The following ARHGEF3 variants were observed in gnomAD, a reference collection of about 807,000 sequenced individuals.
ARHGEF3 encodes Rho guanine nucleotide exchange factor 3, also known as 59.8 kDA protein.
In ARHGEF3, 28 loss-of-function variants were observed where a neutral mutation model predicts 63.2. The observed-to-expected ratio is 0.44, with a 90% CI of 0.33 to 0.61. The LOEUF is 0.61. Ranked by LOEUF, ARHGEF3 falls within the 20% of genes least tolerant of loss-of-function variation. The pLI is 0.03. For missense variants in ARHGEF3, 533 were observed against 659.3 expected, an observed-to-expected ratio of 0.81 and a Z score of 2.10; for synonymous variants, 266 against 254.2, an observed-to-expected ratio of 1.05 and a Z score of -0.44.
intron 3 of ARHGEF3, among the ~76,000 whole-genome samples, chr3:56,957,530 C>T (rs765478060): frequency 2.6e-5 from 4 of 152,148 alleles, no homozygotes; most frequent in Non-Finnish European, 2.9e-5. Flanking sequence ...CCCAGAGATA[C>T]AGTAGTGAAC....
At chr3:56,989,819 G>C (rs567666235) in intron 2 of ARHGEF3, among the ~76,000 whole-genome samples, 25 of 152,200 alleles carry the variant, frequency 1.6e-4, no homozygotes, top group Non-Finnish European at 3.1e-4. Flanking sequence ...ACCTGGCTGA[G>C]CTTCAAACCC....
At chr3:56,856,443 T>G (rs533637153) in intron 4 of ARHGEF3, among the ~76,000 whole-genome samples, 19 of 152,304 alleles carry the variant, frequency 1.2e-4, no homozygotes, top group African/African-American at 4.3e-4. Context: ...TTATTGCTTA[T>G]AAACTGACAC....
intron 3 of ARHGEF3, among the ~76,000 whole-genome samples, chr3:56,926,510 C>A (rs920979139): frequency 6.6e-6 from 1 of 152,226 alleles, no homozygotes; most frequent in East Asian, 1.9e-4. Context: ...AATATATTTG[C>A]TGAAAGCCAG....
intron 4 of ARHGEF3, among the ~76,000 whole-genome samples, chr3:56,816,925 T>C (rs1559964878): frequency 6.6e-6 from 1 of 152,158 alleles, no homozygotes; most frequent in Non-Finnish European, 1.5e-5. Context: ...GAACACTGAA[T>C]GAGAAGCAGT....
At chr3:56,866,211 T>C (rs2040244102) in intron 4 of ARHGEF3, among the ~76,000 whole-genome samples, 1 of 152,138 alleles carries the variant, frequency 6.6e-6, no homozygotes, top group Admixed American at 6.5e-5. Context: ...TTTATTAGCA[T>C]GATTAAGCTG....
At chr3:56,742,115 T>G (rs930137264) in intron 7 of ARHGEF3, among the ~76,000 whole-genome samples, 1 of 152,124 alleles carries the variant, frequency 6.6e-6, no homozygotes, top group Non-Finnish European at 1.5e-5. Context: ...GAACCAAGAA[T>G]AGCAGTCTTC....
At chr3:57,025,298 T>C (rs77863260) in intron 2 of ARHGEF3, among the ~76,000 whole-genome samples, 2,676 of 152,296 alleles carry the variant, frequency 0.018, 71 homozygotes, top group African/African-American at 0.062. Context: ...TCATAAAACT[T>C]CAGAGCTGTG....
intron 7 of ARHGEF3, among the ~76,000 whole-genome samples, chr3:56,742,019 G>A (rs905408087): frequency 3.3e-5 from 5 of 152,194 alleles, no homozygotes; most frequent in African/African-American, 1.2e-4. Flanking sequence ...AAGCTCACAT[G>A]TGCTGGACTC....
At chr3:56,734,278 T>C (rs1165316996) in intron 8 of ARHGEF3, among the ~76,000 whole-genome samples, 2 of 152,176 alleles carry the variant, frequency 1.3e-5, no homozygotes, top group African/African-American at 4.8e-5. Context: ...GTTCTAGCTT[T>C]CTGGTGGAAA....
intron 7 of ARHGEF3, among the ~76,000 whole-genome samples, chr3:56,739,250 T>C (rs971448690): frequency 1.3e-5 from 2 of 152,176 alleles, no homozygotes; most frequent in Non-Finnish European, 2.9e-5. Context: ...TGATAAGGCC[T>C]CTTCTTCGTC....
In ARHGEF3 at chr3:56,990,028, A is replaced by T. The variant is rs115306515; in HGVS notation, c.63-31139T>A. Among the ~76,000 whole-genome samples, 399 of 152,314 alleles carry T rather than the reference A, an allele frequency of 2.6e-3. 1 individual carries two copies. The highest frequency in any genetic ancestry group is 9.1e-3 in the African/African-American group (380 of 41,564). On this transcript the variant is annotated intron_variant, in intron 2 of 12. Coordinates refer to the ARHGEF3 transcript ENST00000338458. The stretch of plus-strand genomic sequence containing the variant: ...AAGAATTATTTAAAACAATGACGCT[A>T]CCCAGCTTCGCTACCCAGCTTCCCA...
intron 3 of ARHGEF3, among the ~76,000 whole-genome samples, chr3:56,957,741 C>T (rs567537603): frequency 1.3e-5 from 2 of 152,008 alleles, no homozygotes; most frequent in South Asian, 2.1e-4. Context: ...TGTGTGGGCC[C>T]GGAGCAGTGT....
rs1008430786 is a variant in ARHGEF3, at chr3:56,868,848, C to G, written c.192+13444G>C. 8.5e-5 allele frequency among the ~76,000 whole-genome samples: 13 copies of G among 152,278 alleles called. 1 individual carries two copies. The highest frequency in any genetic ancestry group is 6.5e-4 in the Admixed American group (10 of 15,302). ...GTTTCAGAAGCAAGAGTGCAACCCC[C>G]ACTTGTCTGCAGATGAATGAGTCTT... On this transcript the variant is annotated intron_variant, in intron 4 of 12. Coordinates refer to the ARHGEF3 transcript ENST00000338458.
chr3:57,030,238 T>C (rs1393729355), intron 2 of ARHGEF3, among the ~76,000 whole-genome samples: 2 of 152,222 alleles, frequency 1.3e-5, no homozygotes, highest in East Asian at 3.8e-4. Flanking sequence ...CTGGGCCGGA[T>C]GTCAGGCATC....
At chr3:56,791,115 T>A (rs774281091) in intron 1 of ARHGEF3, among the ~76,000 whole-genome samples, 3 of 152,116 alleles carry the variant, frequency 2.0e-5, no homozygotes, top group African/African-American at 7.2e-5. Context: ...TTTTAAGATA[T>A]GTCGTGGCCA....
Position 56,751,124 on chromosome 3 carries a change from T to G in ARHGEF3, c.544A>C (p.Ser182Arg), listed in dbSNP as rs2034716410. ...SLIPLHEELL[S>R]QLRDVRKPDG... ...GGCTTCCTAACATCTCGAAGCTGAC[T>G]AAGGAGCTCTGGCAAAAAACAAACA... Residue 182 changes from serine to arginine, a missense_variant, in exon 6 of 10, where the codon AGT becomes CGT. Ser to Arg is a moderately radical substitution (Grantham distance 110, BLOSUM62 -1). Transcript: ENST00000296315. 1 of 1,613,942 alleles carries G rather than the reference T, an allele frequency of 6.2e-7. No individual in the cohort carries two copies. Among genetic ancestry groups the G allele is most frequent in the African/African-American group, 1.3e-5 (1 of 74,902 alleles).
chr3:56,967,121 C>T (rs1306323205), intron 2 of ARHGEF3, among the ~76,000 whole-genome samples: 9 of 147,788 alleles, frequency 6.1e-5, no homozygotes, highest in Non-Finnish European at 1.0e-4. Flanking sequence ...CCTCGGCCTC[C>T]GAAAGTGCTG....
intron 3 of ARHGEF3, among the ~76,000 whole-genome samples, chr3:56,906,818 C>T (rs1161915999): frequency 1.4e-5 from 2 of 146,878 alleles, no homozygotes; most frequent in Admixed American, 1.4e-4. Flanking sequence ...GCCTGGGCGA[C>T]AGAGCGAGAC....
At position 57,040,474 on chromosome 3, in the gene ARHGEF3, C is replaced by CAAAGG. The variant is rs374272554; in HGVS notation, c.-27-5299_-27-5298insCCTTT. Among the ~76,000 whole-genome samples the CAAAGG allele has an allele frequency of 2.3e-3, 339 of 144,546 alleles. 4 individuals are homozygous for CAAAGG. The highest frequency in any genetic ancestry group is 8.5e-3 in the African/African-American group (319 of 37,688). The allele number at this position is 144,546 out of a possible 152,430, so 94.8% of individuals were successfully genotyped here. A position where few individuals can be genotyped will look rare whatever the true frequency, so the allele number is the denominator to read the frequency against. On this transcript the variant is annotated intron_variant, in intron 1 of 12. Coordinates refer to the ARHGEF3 transcript ENST00000338458. ...CCTGGGCGACAGAATAAGACTCCGT[C>CAAAGG]AAAAGAAAAGAAAAGAAAAGAAAAG...
Sources: gnomAD v4.1 joint callset for allele counts (sites outside exome capture counted in the v4.1 genomes callset) on GRCh38, gnomAD v4.1.1 for gene constraint, MANE v1.5 for transcripts, NCBI Gene and HGNC (gene_info 2026-07-23, HGNC 2026-07-21) for gene names.